The following SPMAP2L variants were observed in gnomAD, a reference collection of about 807,000 sequenced individuals.
SPMAP2L encodes sperm microtubule associated protein 2 like, also known as sperm microtubule associated protein 2-like.
At chr4:56,551,950 G>A in the SPMAP2L span, among the ~76,000 whole-genome samples, 1 of 152,170 alleles carries the variant, frequency 6.6e-6, no homozygotes, top group Non-Finnish European at 1.5e-5. Flanking sequence ...CAGTACTCTT[G>A]CTGAAATTAG....
At chr4:56,571,954 A>G in the SPMAP2L span, among the ~76,000 whole-genome samples, 10 of 152,146 alleles carry the variant, frequency 6.6e-5, no homozygotes, top group Non-Finnish European at 1.5e-4. Flanking sequence ...TTAGGAGCAA[A>G]ACATGCATGG....
chr4:56,606,991 G>A, the SPMAP2L span, among the ~76,000 whole-genome samples: 1 of 152,106 alleles, frequency 6.6e-6, no homozygotes, highest in Non-Finnish European at 1.5e-5. Flanking sequence ...TTGAGAAGGT[G>A]GATTTATGGG....
the SPMAP2L span, among the ~76,000 whole-genome samples, chr4:56,617,252 G>A: frequency 1.3e-5 from 2 of 152,100 alleles, no homozygotes; most frequent in Non-Finnish European, 2.9e-5. Flanking sequence ...TAACACAATG[G>A]TAAGTATTTG....
the SPMAP2L span, among the ~76,000 whole-genome samples, chr4:56,543,895 A>AGTGTGTGTGTGT: frequency 5.5e-5 from 6 of 109,418 alleles, no homozygotes; most frequent in African/African-American, 1.9e-4. Context: ...AGAGAGAGAG[A>AGTGTGTGTGTGT]GTGTGTGTGT....
At chr4:56,571,093 C>T in the SPMAP2L span, among the ~76,000 whole-genome samples, 528 of 151,362 alleles carry the variant, frequency 3.5e-3, 6 homozygotes, top group African/African-American at 0.012. Flanking sequence ...TGTGAGCCAC[C>T]ACACCTGGCC....
chr4:56,624,407 G>A, the SPMAP2L span, among the ~76,000 whole-genome samples: 2 of 152,224 alleles, frequency 1.3e-5, no homozygotes, highest in African/African-American at 4.8e-5. Context: ...GCCAGCTGCA[G>A]AAATTTGCAT....
At chr4:56,593,501 C>T in the SPMAP2L span, 4 of 1,600,044 alleles carry the variant, frequency 2.5e-6, no homozygotes, top group Middle Eastern at 5.2e-4. Flanking sequence ...GTGGAGAGAG[C>T]TCATCAGAGT....
the SPMAP2L span, among the ~76,000 whole-genome samples, chr4:56,599,278 G>A: frequency 6.6e-6 from 1 of 151,892 alleles, no homozygotes; most frequent in African/African-American, 2.4e-5. Context: ...AACCTCCCTG[G>A]GCTCAAGTGA....
At chr4:56,570,166 A>T in the SPMAP2L span, among the ~76,000 whole-genome samples, 2 of 152,152 alleles carry the variant, frequency 1.3e-5, no homozygotes, top group East Asian at 3.9e-4. Flanking sequence ...TCAGCTTTTC[A>T]CAGAGACCTT....
At chr4:56,618,609 T>G in the SPMAP2L span, among the ~76,000 whole-genome samples, 1 of 152,138 alleles carries the variant, frequency 6.6e-6, no homozygotes, top group East Asian at 1.9e-4. Context: ...TCACTCACTA[T>G]CACAAGAACA....
chr4:56,600,776 A>G, the SPMAP2L span, among the ~76,000 whole-genome samples: 27 of 152,252 alleles, frequency 1.8e-4, no homozygotes, highest in Non-Finnish European at 3.1e-4. Context: ...GGAAGGCTGC[A>G]TTGTACAGGA....
the SPMAP2L span, chr4:56,595,036 G>A: frequency 1.6e-5 from 26 of 1,607,348 alleles, no homozygotes; most frequent in South Asian, 3.3e-5. Context: ...GAATGAGGAT[G>A]CCTGTCCTGT....
At chr4:56,587,251 A>T in the SPMAP2L span, among the ~76,000 whole-genome samples, 1 of 148,174 alleles carries the variant, frequency 6.7e-6, no homozygotes, top group East Asian at 1.9e-4. Flanking sequence ...TACTTTATCC[A>T]TTCTTCCTTG....
chr4:56,531,572 TAA>T, the SPMAP2L span, among the ~76,000 whole-genome samples: 1 of 152,170 alleles, frequency 6.6e-6, no homozygotes, highest in Non-Finnish European at 1.5e-5. Flanking sequence ...TCTCTTTAAC[TAA>T]AGAGAGTGAT....
the SPMAP2L span, among the ~76,000 whole-genome samples, chr4:56,533,090 C>A: frequency 2.7e-4 from 40 of 150,294 alleles, no homozygotes; most frequent in Non-Finnish European, 2.9e-4. Context: ...TGGAATTACT[C>A]CCTTGATTCT....
At chr4:56,567,198 T>G in the SPMAP2L span, among the ~76,000 whole-genome samples, 1 of 152,096 alleles carries the variant, frequency 6.6e-6, no homozygotes, top group Non-Finnish European at 1.5e-5. Flanking sequence ...TCTGCATTCC[T>G]TTGTGTAGAT....
the SPMAP2L span, among the ~76,000 whole-genome samples, chr4:56,604,930 A>G: frequency 6.6e-6 from 1 of 152,188 alleles, no homozygotes; most frequent in Non-Finnish European, 1.5e-5. Flanking sequence ...GTATATTCTC[A>G]CTTATAAGTG....
chr4:56,537,120 T>C, the SPMAP2L span, among the ~76,000 whole-genome samples: 2 of 152,176 alleles, frequency 1.3e-5, no homozygotes, highest in African/African-American at 2.4e-5. Context: ...CACAACTGGC[T>C]ACTCCCTTCT....
chr4:56,568,893 T>C, the SPMAP2L span, among the ~76,000 whole-genome samples: 8 of 152,248 alleles, frequency 5.3e-5, no homozygotes, highest in South Asian at 1.2e-3. Flanking sequence ...GGTAATTTCA[T>C]ATAAATGGAA....
Sources: gnomAD v4.1 joint callset for allele counts (sites outside exome capture counted in the v4.1 genomes callset) on GRCh38, gnomAD v4.1.1 for gene constraint, MANE v1.5 for transcripts, NCBI Gene and HGNC (gene_info 2026-07-23, HGNC 2026-07-21) for gene names.